Variants in EHD1 observed in about 807,000 individuals in gnomAD.
EHD1 encodes the protein EH domain-containing protein 1.
Under a neutral mutation model 39.0 loss-of-function variants are expected in EHD1, and 19 were observed. The observed-to-expected ratio is 0.49, with a 90% CI of 0.34 to 0.72. The LOEUF (loss-of-function observed/expected upper bound fraction) is 0.72. Among genes scored for constraint, EHD1 ranks in the 30% least tolerant of loss-of-function variants. The pLI is 0.01. For missense variants in EHD1, 542 were observed against 751.5 expected (o/e 0.72, Z 3.26); for synonymous variants, 323 against 331.2 (o/e 0.98, Z 0.27).
rs577914472 is a variant in EHD1 at position 64,854,278 on chromosome 11, C to A, written c.*55G>T. ...GAGAAATGGTGAGGCTTCCCCTCCC[C>A]CCGTCTCTGCCTCCCGGCCGGGCGT... On this transcript the variant is annotated 3_prime_UTR_variant, in exon 5 of 5. Coordinates refer to ENST00000320631, the MANE Select transcript of EHD1 (RefSeq NM_006795.4). 7 of 1,533,904 alleles carry A rather than the reference C, an allele frequency of 4.6e-6. No individual in the cohort carries two copies. The highest frequency in any genetic ancestry group is 5.2e-6 in the Non-Finnish European group (6 of 1,143,340).
intron 1 of EHD1, among the ~76,000 whole-genome samples, chr11:64,874,951 G>A (rs887530441): frequency 6.6e-6 from 1 of 152,240 alleles, no homozygotes; most frequent in Non-Finnish European, 1.5e-5. Context: ...TCCTACTGCT[G>A]CTAGGGCCAG....
chr11:64,874,706 C>G (rs528377351), intron 1 of EHD1, among the ~76,000 whole-genome samples, 188 bp from the exon 2 acceptor site: 2 of 152,338 alleles, frequency 1.3e-5, no homozygotes, highest in Non-Finnish European at 2.9e-5. Flanking sequence ...ACTTTCTCAA[C>G]TGGGAATGCA....
chr11:64,860,062 G>A lies in EHD1; in HGVS notation c.777C>T (p.Ser259=). The change falls in exon 3 of 5, where the codon TCC becomes TCT. Residue 259 remains serine, a synonymous_variant. Coordinates refer to ENST00000320631, the MANE Select transcript of EHD1 (RefSeq NM_006795.4). ...GGTTGTCGGGGATGAGGAGCGGGTGGGACCAGAAGGAGCCGATGTAGACCC... is the reference window on the plus strand; with the variant it reads ...GGTTGTCGGGGATGAGGAGCGGGTGAGACCAGAAGGAGCCGATGTAGACCC... ...VVRVYIGSFW[S]HPLLIPDNRK... The A allele has an allele frequency of 6.2e-7, 1 of 1,614,154 alleles. No individual in the cohort carries two copies. Among genetic ancestry groups the A allele is most frequent in the South Asian group, 1.1e-5 (1 of 91,084 alleles).
intron 2 of EHD1, among the ~76,000 whole-genome samples, chr11:64,873,259 G>A (rs1417129189): frequency 6.6e-6 from 1 of 152,262 alleles, no homozygotes; most frequent in Non-Finnish European, 1.5e-5. Context: ...GGAGGCTGCT[G>A]TCAACCTCTA....
chr11:64,867,729 C>A (rs1943783358), intron 2 of EHD1, among the ~76,000 whole-genome samples: 1 of 152,038 alleles, frequency 6.6e-6, no homozygotes, highest in African/African-American at 2.4e-5. Flanking sequence ...TCTCCGTACC[C>A]CCACCTCCAA....
chr11:64,854,258 A>AT lies in EHD1; in HGVS notation c.*74dup. The AT allele has an allele frequency of 6.7e-7, 1 of 1,494,564 alleles. No individual in the cohort carries two copies. Among genetic ancestry groups the AT allele is most frequent in the Non-Finnish European group, 8.9e-7 (1 of 1,125,480 alleles). 92.6% of individuals were successfully genotyped at this position (1,494,564 alleles called of 1,614,324 possible). On this transcript the variant is annotated 3_prime_UTR_variant, in exon 5 of 5. Coordinates refer to ENST00000320631, the MANE Select transcript of EHD1 (RefSeq NM_006795.4). Reference sequence around the variant, plus strand: ...GCTCAGTCTTTATGGACCTTGAGAAATGGTGAGGCTTCCCCTCCCCCCGTC... The same window carrying AT: ...GCTCAGTCTTTATGGACCTTGAGAAATTGGTGAGGCTTCCCCTCCCCCCGTC...
At chr11:64,859,461 T>C (rs1943689002) in intron 3 of EHD1, among the ~76,000 whole-genome samples, 1 of 151,958 alleles carries the variant, frequency 6.6e-6, no homozygotes, top group Non-Finnish European at 1.5e-5. Flanking sequence ...TGGAGGTTGC[T>C]ATGAGCCGAG....
At position 64,853,754 on chromosome 11, in the gene EHD1, C is replaced by A. The variant is rs1441796816; in HGVS notation, c.*579G>T. 1 of 156,866 alleles carries A rather than the reference C, an allele frequency of 6.4e-6. No homozygotes were observed. Among genetic ancestry groups the A allele is most frequent in the Non-Finnish European group, 1.4e-5 (1 of 70,464 alleles). The allele number at this position is 156,866 out of a possible 1,614,324, so 9.7% of individuals were successfully genotyped here. A position where few individuals can be genotyped will look rare whatever the true frequency, so the allele number is the denominator to read the frequency against. On this transcript the variant is annotated 3_prime_UTR_variant, in exon 5 of 5. Transcript: ENST00000320631. ...TGCTGAGCGGGGTTGCGCGTCGGAGCCGGTGGGGCGCGGGAGGAAAGGGCA... is the reference window on the plus strand; with the variant it reads ...TGCTGAGCGGGGTTGCGCGTCGGAGACGGTGGGGCGCGGGAGGAAAGGGCA...
At position 64,854,115 on chromosome 11, in the gene EHD1, T is replaced by C; in HGVS notation, c.*218A>G. On this transcript the variant is annotated 3_prime_UTR_variant, in exon 5 of 5. Transcript: ENST00000320631. ...CAGCCTCTAACGTTATATATTAAAA[T>C]AGCCACAGTTCTTGTGCACACAATT... 1 of 788,732 alleles carries C rather than the reference T, an allele frequency of 1.3e-6. No individual in the cohort carries two copies. The highest frequency in any genetic ancestry group is 2.0e-6 in the Non-Finnish European group (1 of 512,144). The allele number at this position is 788,732 out of a possible 1,614,324, so 48.9% of individuals were successfully genotyped here.
At chr11:64,870,616 C>T (rs184152203) in intron 2 of EHD1, among the ~76,000 whole-genome samples, 6 of 152,342 alleles carry the variant, frequency 3.9e-5, no homozygotes, top group East Asian at 3.9e-4. Context: ...CAAAAACTCC[C>T]GCTTAGTTCA....
intron 3 of EHD1, among the ~76,000 whole-genome samples, chr11:64,857,162 C>T (rs921066664): frequency 4.6e-5 from 7 of 152,214 alleles, no homozygotes; most frequent in South Asian, 2.1e-4. Flanking sequence ...CGGTGGCTCA[C>T]GCCTGTAATC....
Position 64,853,672 on chromosome 11 carries a change from C to T in EHD1, c.*661G>A, listed in dbSNP as rs1943608543. 2 of 153,960 alleles carry T rather than the reference C, an allele frequency of 1.3e-5. No individual in the cohort carries two copies. The highest frequency in any genetic ancestry group is 2.9e-5 in the Non-Finnish European group (2 of 68,950). 9.5% of individuals were successfully genotyped at this position (153,960 alleles called of 1,614,324 possible). On this transcript the variant is annotated 3_prime_UTR_variant, in exon 5 of 5. Transcript: ENST00000320631. ...TATGTATTTTTCTGGAAGACATTCT[C>T]CTACTCCCCTGAACTCCCAAAAAAA...
In EHD1 at chr11:64,877,109, C is replaced by T. The variant is rs113471557; in HGVS notation, c.404+952G>A. ...ATGAAAGGCATGTGGAGTCCGTGAA[C>T]GTGGGGTGGCAGGGAGGACAGGGTC... On this transcript the variant is annotated intron_variant, in intron 1 of 4. Transcript: ENST00000320631. Among the ~76,000 whole-genome samples, 1,308 of 152,262 alleles carry T rather than the reference C, an allele frequency of 8.6e-3. 18 individuals carry two copies. Among genetic ancestry groups the T allele is most frequent in the African/African-American group, 0.03 (1,231 of 41,528 alleles).
upstream of EHD1, chr11:64,879,205 G>C (rs1943927183): frequency 1.8e-6 from 2 of 1,086,062 alleles, no homozygotes; most frequent in South Asian, 5.5e-5. Flanking sequence ...AGCAAGCTGA[G>C]GGAGTAGAGA....
rs774644717 is a variant in EHD1 at position 64,854,745 on chromosome 11, C to T, written c.1193G>A (p.Arg398Gln). ...NDIARLMVMV[R>Q]QEESLMPSQV... ...GGAAGGCATCAGGGACTCCTCCTGC[C>T]GCACCATCACCATCAGCCGCGCGAT... Residue 398 changes from arginine (R) to glutamine (Q), a missense_variant, in exon 5 of 5, where the codon CGG (arginine) becomes CAG (glutamine). By Grantham distance (43) the Arg-to-Gln change is conservative. Coordinates refer to ENST00000320631, the MANE Select transcript of EHD1 (RefSeq NM_006795.4). 53 of 1,611,722 alleles carry T rather than the reference C, an allele frequency of 3.3e-5. No individual in the cohort carries two copies. The highest frequency in any genetic ancestry group is 3.9e-5 in the Non-Finnish European group (46 of 1,180,022).
chr11:64,878,141 C>T lies in EHD1; in HGVS notation c.324G>A (p.Val108=), dbSNP rs967025187. ...IAVMHGPTEG[V]VPGNALVVDP... The stretch of plus-strand genomic sequence containing the variant: ...CCACCACGAGCGCGTTGCCCGGCAC[C>T]ACGCCCTCAGTGGGGCCGTGCATGA... The change falls in exon 1 of 5, where the codon GTG becomes GTA. Residue 108 remains valine, a synonymous_variant. Transcript: ENST00000320631. The T allele has an allele frequency of 2.5e-6, 4 of 1,583,020 alleles. No homozygotes were observed. Among genetic ancestry groups the T allele is most frequent in the Non-Finnish European group, 3.5e-6 (4 of 1,159,362 alleles).
chr11:64,860,484 C>A, intron 2 of EHD1, 148 bp from the exon 3 acceptor site: 4 of 1,191,876 alleles, frequency 3.4e-6, no homozygotes, highest in Non-Finnish European at 4.5e-6. Context: ...CCTGTAATCC[C>A]AACACTTTGG....
rs149358384 is a variant in EHD1, at chr11:64,861,604, CCCA to C, written c.503-1271_503-1269del. 4.6e-3 allele frequency among the ~76,000 whole-genome samples: 675 copies of C among 148,010 alleles called. 2 individuals are homozygous for C. Among genetic ancestry groups the C allele is most frequent in the African/African-American group, 0.017 (646 of 37,554 alleles). ...ACTACAGCTCAGGGATCAAACCTGG[CCCA>C]CCACCTGTTTGTATAAATAAAGTTT... On this transcript the variant is annotated intron_variant, in intron 2 of 4. Coordinates refer to ENST00000320631, the MANE Select transcript of EHD1 (RefSeq NM_006795.4).
At chr11:64,867,361 G>A (rs527959006) in intron 2 of EHD1, among the ~76,000 whole-genome samples, 3 of 151,790 alleles carry the variant, frequency 2.0e-5, no homozygotes, top group African/African-American at 4.8e-5. Flanking sequence ...AGAGGCTGCA[G>A]TGAGCTGAGA....
Sources: allele counts gnomAD v4.1 joint callset (sites outside exome capture counted in the v4.1 genomes callset), GRCh38; gene constraint gnomAD v4.1.1; transcripts MANE v1.5; gene names NCBI Gene and HGNC (gene_info 2026-07-23, HGNC 2026-07-21).